MPRIP: variants seen among roughly 807,000 people sequenced by gnomAD.
MPRIP encodes myosin phosphatase Rho-interacting protein.
In MPRIP, 59 loss-of-function variants were observed where a neutral mutation model predicts 234.9. That is an observed-to-expected ratio of 0.25 (90% CI 0.20 to 0.31). The LOEUF (loss-of-function observed/expected upper bound fraction) is 0.31. Ranked by LOEUF, MPRIP falls within the 10% of genes least tolerant of loss-of-function variation. The probability of loss-of-function intolerance (pLI) is 1.00; values close to 1 mark genes in which losing one functional copy is unlikely to be tolerated. For synonymous variants in MPRIP, 1,144 were observed against 1,263.9 expected (o/e 0.91, Z 2.01); for missense variants, 2,436 against 3,071.0 (o/e 0.79, Z 4.89).
rs571652180 is a variant in MPRIP, at chr17:17,066,470, T to A, written c.124-9240T>A. 7.9e-5 allele frequency among the ~76,000 whole-genome samples: 12 copies of A among 152,322 alleles called. No homozygotes were observed. The South Asian group carries it at 2.5e-3, about 32-fold the overall frequency. Reference sequence around the variant, plus strand: ...TTGATTTTTGAATATTAAACCGGCATCCCTGGAATAAACCCCCTTGGTCAT... The same window carrying A: ...TTGATTTTTGAATATTAAACCGGCAACCCTGGAATAAACCCCCTTGGTCAT... On this transcript the variant is annotated intron_variant, in intron 1 of 23. Coordinates refer to ENST00000651222, the MANE Select transcript of MPRIP (RefSeq NM_001364716.4).
chr17:17,095,143 G>A (rs180687323), intron 3 of MPRIP, among the ~76,000 whole-genome samples: 44 of 152,226 alleles, frequency 2.9e-4, no homozygotes, highest in Admixed American at 1.4e-3. Context: ...CTCTTTTGTA[G>A]CATCCTGTTT....
At chr17:17,146,117 C>T (rs769604162) in intron 10 of MPRIP, 25 bp downstream of exon 10, 1 of 1,610,672 alleles carries the variant, frequency 6.2e-7, no homozygotes, top group Non-Finnish European at 8.5e-7. Flanking sequence ...TTGCCGTGGC[C>T]CCTGAGGGAT....
chr17:17,152,764 T>C (rs1225683259), intron 12 of MPRIP, among the ~76,000 whole-genome samples: 1 of 152,162 alleles, frequency 6.6e-6, no homozygotes, highest in African/African-American at 2.4e-5. Flanking sequence ...TGGCGGGACA[T>C]GCAGGTCCAT....
intron 3 of MPRIP, among the ~76,000 whole-genome samples, chr17:17,111,257 A>G (rs1355687516): frequency 1.4e-5 from 2 of 145,326 alleles, no homozygotes; most frequent in Non-Finnish European, 3.0e-5. Context: ...AAAAAGTACC[A>G]TAGAGACTCG....
At chr17:17,142,028 C>G (rs1374674713) in intron 7 of MPRIP, 1 of 154,014 alleles carries the variant, frequency 6.5e-6, no homozygotes, top group East Asian at 1.9e-4. Context: ...TCTGCGCTCT[C>G]CTGCTGTGCC....
chr17:17,143,969 G>A (rs1199230003), intron 9 of MPRIP, among the ~76,000 whole-genome samples: 2 of 152,256 alleles, frequency 1.3e-5, no homozygotes, highest in African/African-American at 4.8e-5. Context: ...GGCTGCAGCA[G>A]GGACCCTCCG....
chr17:17,168,840 G>A (rs942088109), intron 16 of MPRIP: 7 of 456,724 alleles, frequency 1.5e-5, no homozygotes, highest in Admixed American at 2.4e-5. Context: ...AGCCAGGCGC[G>A]CACACAGCCA....
intron 3 of MPRIP, among the ~76,000 whole-genome samples, chr17:17,126,001 A>T (rs1210275476): frequency 6.6e-6 from 1 of 152,054 alleles, no homozygotes; most frequent in African/African-American, 2.4e-5. Context: ...GGGCTAAACA[A>T]GTCATCTCCA....
At chr17:17,056,593 G>C (rs2088705105) in intron 1 of MPRIP, among the ~76,000 whole-genome samples, 1 of 151,674 alleles carries the variant, frequency 6.6e-6, no homozygotes, top group African/African-American at 2.4e-5. Context: ...TGAACTGTGT[G>C]TGTGGTTCCT....
intron 3 of MPRIP, among the ~76,000 whole-genome samples, chr17:17,089,611 A>G (rs1484909894): frequency 1.3e-5 from 2 of 151,850 alleles, no homozygotes; most frequent in African/African-American, 2.4e-5. Context: ...GGGATTACAG[A>G]TGCTCCGGTG....
At chr17:17,158,036 C>T (rs1433110952) in intron 13 of MPRIP, among the ~76,000 whole-genome samples, 10 of 152,136 alleles carry the variant, frequency 6.6e-5, no homozygotes, top group Non-Finnish European at 1.0e-4. Context: ...AGGGCTGGCC[C>T]GTCCTGCCTC....
Position 17,172,806 on chromosome 17 carries a change from G to A in MPRIP, c.6581G>A (p.Arg2194His), listed in dbSNP as rs369277974. ...SVNSDVEALR[R>H]QYLEELQSVQ... ...AACTCGGATGTTGAGGCCCTGCGGC[G>A]CCAGTACCTGTAAGTGGCTGGGCCT... The change falls in exon 18 of 24, where the codon CGC (arginine) becomes CAC (histidine). Residue 2194 changes from arginine to histidine, a missense_variant. By Grantham distance (29) the Arg-to-His change is conservative (BLOSUM62 0). This residue lies in a region of MPRIP where 1,998 missense variants were observed against 2,520.3 expected (regional missense o/e 0.79). Transcript: ENST00000651222. 4.6e-5 allele frequency: 74 copies of A among 1,611,940 alleles called. No homozygotes were observed. The East Asian group carries it at 9.6e-4, about 21-fold the overall frequency.
intron 2 of MPRIP, 140 bp downstream of exon 2, chr17:17,075,927 G>T: frequency 1.3e-6 from 1 of 764,690 alleles, no homozygotes; most frequent in East Asian, 2.5e-5. Flanking sequence ...CCCCCATTTG[G>T]TGCACTTGTA....
intron 3 of MPRIP, among the ~76,000 whole-genome samples, chr17:17,091,267 G>C (rs901415614): frequency 6.6e-6 from 1 of 152,132 alleles, no homozygotes; most frequent in Non-Finnish European, 1.5e-5. Flanking sequence ...GAGAACGGTA[G>C]GTGTGGGGTG....
At position 17,175,285 on chromosome 17, in the gene MPRIP, TC is replaced by T. The variant is rs1387318226; in HGVS notation, c.6751-3del. 2 of 1,613,054 alleles carry T rather than the reference TC, an allele frequency of 1.2e-6. No homozygotes were observed. The highest frequency in any genetic ancestry group is 1.3e-5 in the African/African-American group (1 of 75,024). The stretch of plus-strand genomic sequence containing the variant: ...CTGGAGTGTCACTGTTGTGTTGCTG[TC>T]CCCCAGGAGCTGAACAACCGCCTGG... On this transcript the variant is annotated splice_polypyrimidine_tract_variant and splice_region_variant and intron_variant, in intron 19 of 23. Coordinates refer to ENST00000651222, the MANE Select transcript of MPRIP (RefSeq NM_001364716.4).
chr17:17,156,724 C>T (rs892914336), intron 13 of MPRIP, among the ~76,000 whole-genome samples: 7 of 152,208 alleles, frequency 4.6e-5, no homozygotes, highest in Non-Finnish European at 7.3e-5. Context: ...ATGCCCTGCC[C>T]TATGTGTCAT....
Position 17,057,997 on chromosome 17 carries a change from A to G in MPRIP, c.123+15026A>G, listed in dbSNP as rs2088757152. On this transcript the variant is annotated intron_variant, in intron 1 of 23. Transcript: ENST00000651222. The stretch of plus-strand genomic sequence containing the variant: ...GAGAACACTGACATCCATTCAAAGC[A>G]TCCTTCACGCCCCTCCCCAGTGGTA... The G allele has an allele frequency of 5.1e-5, 20 of 389,000 alleles. No individual in the cohort carries two copies. The South Asian group carries it at 5.6e-4, about 11-fold the overall frequency. The allele number at this position is 389,000 out of a possible 1,614,324, so 24.1% of individuals were successfully genotyped here.
At chr17:17,102,581 G>GC (rs2089985179) in intron 3 of MPRIP, among the ~76,000 whole-genome samples, 3 of 152,204 alleles carry the variant, frequency 2.0e-5, no homozygotes, top group African/African-American at 7.2e-5. Context: ...AGTGGTGACA[G>GC]CCCCCTCCTC....
intron 1 of MPRIP, among the ~76,000 whole-genome samples, chr17:17,053,885 G>T (rs1338601906): frequency 6.6e-6 from 1 of 152,210 alleles, no homozygotes; most frequent in Non-Finnish European, 1.5e-5. Flanking sequence ...TGCCTTGTGT[G>T]TGTTTGATTT....
Sources: gnomAD v4.1 joint callset for allele counts (sites outside exome capture counted in the v4.1 genomes callset) on GRCh38, gnomAD v4.1.1 for gene constraint, gnomAD v4.1.1 regional missense constraint, MANE v1.5 for transcripts, NCBI Gene and HGNC (gene_info 2026-07-23, HGNC 2026-07-21) for gene names.